The following ZPLD1 variants were observed in gnomAD, a reference collection of about 807,000 sequenced individuals.
The protein encoded by ZPLD1 is zona pellucida like domain containing 1, also known as zona pellucida-like domain-containing protein 1.
Under a neutral mutation model 47.2 loss-of-function variants are expected in ZPLD1, and 34 were observed. The ratio of observed to expected loss-of-function variants is 0.72; its 90% CI spans 0.55 to 0.96. The LOEUF (loss-of-function observed/expected upper bound fraction) is 0.96, where lower values mean the gene tolerates loss of function less well. Ranked by LOEUF, ZPLD1 falls within the 40% of genes least tolerant of loss-of-function variation. The probability of loss-of-function intolerance (pLI) is 0.00; values close to 1 mark genes in which losing one functional copy is unlikely to be tolerated. For synonymous variants in ZPLD1, 176 were observed against 186.2 expected (o/e 0.95, Z 0.45); for missense variants, 512 against 505.8 (o/e 1.01, Z -0.12).
chr3:102,424,455 A>G (rs1706917429), intron 8 of ZPLD1, among the ~76,000 whole-genome samples: 2 of 152,172 alleles, frequency 1.3e-5, no homozygotes, highest in Non-Finnish European at 2.9e-5. Flanking sequence ...ATCAAACTCT[A>G]TAATCTAACT....
intron 3 of ZPLD1, among the ~76,000 whole-genome samples, chr3:102,439,217 T>C (rs1367315918): frequency 6.6e-6 from 1 of 152,250 alleles, no homozygotes; most frequent in African/African-American, 2.4e-5. Context: ...GTTCAACATT[T>C]ACAAAATAAA....
Position 102,476,958 on chromosome 3 carries a change from G to A in ZPLD1, c.1043-54G>A, listed in dbSNP as rs903500488. ...GTAATTATTAATCAGAATAAACAAA[G>A]GTAAATATTTGGAGAGATGATGTCA... is the stretch of plus-strand genomic sequence containing the variant. On this transcript the variant is annotated intron_variant, in intron 10 of 11. Transcript: ENST00000466937. 9.0e-5 allele frequency: 142 copies of A among 1,579,076 alleles called. 3 individuals are homozygous for A. The highest frequency in any genetic ancestry group is 6.2e-5 in the Non-Finnish European group (71 of 1,149,322).
chr3:102,476,009 C>T (rs938883224), intron 10 of ZPLD1, among the ~76,000 whole-genome samples: 2 of 152,002 alleles, frequency 1.3e-5, no homozygotes, highest in African/African-American at 4.8e-5. Flanking sequence ...TTGTTTTAAG[C>T]ACATGTTTAC....
chr3:102,392,576 C>T (rs1706509513), intron 7 of ZPLD1, among the ~76,000 whole-genome samples: 1 of 150,148 alleles, frequency 6.7e-6, no homozygotes, highest in Admixed American at 6.7e-5. Context: ...CTTCCTCCTT[C>T]CCCCTTCCTT....
At chr3:102,400,184 G>A (rs901927910) in intron 7 of ZPLD1, among the ~76,000 whole-genome samples, 1 of 152,028 alleles carries the variant, frequency 6.6e-6, no homozygotes, top group Non-Finnish European at 1.5e-5. Flanking sequence ...CCAAGCTAAG[G>A]TAGTCATGAT....
chr3:102,404,282 A>G (rs1288444851), intron 7 of ZPLD1, among the ~76,000 whole-genome samples: 1 of 151,968 alleles, frequency 6.6e-6, no homozygotes, highest in Non-Finnish European at 1.5e-5. Context: ...GATATACATT[A>G]CTGTTCTTTT....
At chr3:102,471,396 A>G (rs1707683718) in intron 10 of ZPLD1, among the ~76,000 whole-genome samples, 1 of 152,204 alleles carries the variant, frequency 6.6e-6, no homozygotes, top group Non-Finnish European at 1.5e-5. Flanking sequence ...GCCCAGTTTG[A>G]GTACCATTTG....
chr3:102,453,193 C>G (rs968346742), intron 4 of ZPLD1, 54 bp downstream of exon 4: 1 of 1,487,216 alleles, frequency 6.7e-7, no homozygotes, highest in African/African-American at 1.4e-5. Flanking sequence ...TAAAAATCTC[C>G]CCATTTCATG....
chr3:102,477,249 C>A (rs1476352322), intron 11 of ZPLD1, among the ~76,000 whole-genome samples, 194 bp from the exon 12 acceptor site: 3 of 151,788 alleles, frequency 2.0e-5, no homozygotes, highest in Admixed American at 2.0e-4. Flanking sequence ...TTTTGGCTGC[C>A]CATGGGCAGC....
intron 3 of ZPLD1, among the ~76,000 whole-genome samples, chr3:102,448,587 G>T (rs1707292876): frequency 6.6e-6 from 1 of 152,208 alleles, no homozygotes; most frequent in African/African-American, 2.4e-5. Context: ...GGTTAGGAAA[G>T]ATTTGGACAG....
intron 7 of ZPLD1, among the ~76,000 whole-genome samples, chr3:102,408,488 A>G (rs1244556348): frequency 6.6e-6 from 1 of 151,908 alleles, no homozygotes. Flanking sequence ...AATTTAGCGA[A>G]TAGATATTAG....
intron 6 of ZPLD1, among the ~76,000 whole-genome samples, chr3:102,461,417 T>C (rs1191321858): frequency 6.6e-6 from 1 of 151,962 alleles, no homozygotes; most frequent in East Asian, 1.9e-4. Flanking sequence ...TAATCTACTG[T>C]GGATTTGAGA....
In ZPLD1 at chr3:102,477,428, T is replaced by G. The variant is rs373408137; in HGVS notation, c.1073-15T>G. The G allele has an allele frequency of 3.7e-5, 60 of 1,607,398 alleles. No homozygotes were observed. The highest frequency in any genetic ancestry group is 5.1e-5 in the Non-Finnish European group (60 of 1,177,544). Reference sequence around the variant, plus strand: ...TATGGGGCCTTTACAACCGGGTGTGTTTTATTATTTGCAGGTTCTCCAAGT... The same window carrying G: ...TATGGGGCCTTTACAACCGGGTGTGGTTTATTATTTGCAGGTTCTCCAAGT... On this transcript the variant is annotated splice_polypyrimidine_tract_variant and intron_variant, in intron 11 of 11. Transcript: ENST00000466937.
At chr3:102,448,574 C>G (rs562129125) in intron 3 of ZPLD1, among the ~76,000 whole-genome samples, 2 of 152,260 alleles carry the variant, frequency 1.3e-5, no homozygotes, top group East Asian at 3.9e-4. Context: ...CCTTAGAAAA[C>G]TGGGTTAGGA....
At chr3:102,455,633 A>G (rs1707400991) in intron 4 of ZPLD1, among the ~76,000 whole-genome samples, 1 of 152,220 alleles carries the variant, frequency 6.6e-6, no homozygotes, top group Non-Finnish European at 1.5e-5. Flanking sequence ...GTCCCTGCCC[A>G]CAAAGGGTGT....
In ZPLD1 at chr3:102,478,958, C is replaced by G. The variant is rs1707800206; in HGVS notation, c.*1340C>G. Reference sequence around the variant, plus strand: ...GACCCATTAGTCCGGACTTAATTTACTATACTGCATGCAAATCATCAAGCA... The same window carrying G: ...GACCCATTAGTCCGGACTTAATTTAGTATACTGCATGCAAATCATCAAGCA... On this transcript the variant is annotated 3_prime_UTR_variant, in exon 12 of 12. Coordinates refer to ENST00000466937, the MANE Select transcript of ZPLD1 (RefSeq NM_001329788.2). 1.3e-5 allele frequency: 2 copies of G among 152,164 alleles called. No individual in the cohort carries two copies. Among genetic ancestry groups the G allele is most frequent in the South Asian group, 4.1e-4 (2 of 4,826 alleles). The allele number at this position is 152,164 out of a possible 1,614,324, so 9.4% of individuals were successfully genotyped here.
chr3:102,386,982 C>A (rs936218936), intron 6 of ZPLD1, among the ~76,000 whole-genome samples: 15 of 152,052 alleles, frequency 9.9e-5, no homozygotes, highest in African/African-American at 3.6e-4. Context: ...TTTTTGATGT[C>A]TATTTCTTTT....
intron 7 of ZPLD1, among the ~76,000 whole-genome samples, chr3:102,403,425 T>C (rs981712458): frequency 3.3e-5 from 5 of 151,960 alleles, no homozygotes; most frequent in African/African-American, 9.7e-5. Flanking sequence ...TCAACATATA[T>C]GTAACTATCA....
intron 7 of ZPLD1, among the ~76,000 whole-genome samples, chr3:102,414,709 T>C (rs1204592022): frequency 6.6e-6 from 1 of 151,792 alleles, no homozygotes; most frequent in Non-Finnish European, 1.5e-5. Context: ...TAATTCTTCA[T>C]TGAAACCATC....
Sources: gnomAD v4.1 joint callset for allele counts (sites outside exome capture counted in the v4.1 genomes callset) on GRCh38, gnomAD v4.1.1 for gene constraint, MANE v1.5 for transcripts, NCBI Gene and HGNC (gene_info 2026-07-23, HGNC 2026-07-21) for gene names.